The following SLC39A8 variants were observed in gnomAD, a reference collection of about 807,000 sequenced individuals.
SLC39A8 encodes the protein metal cation symporter ZIP8.
SLC39A8 carries 15 observed loss-of-function variants against 40.4 expected under a neutral mutation model. The ratio of observed to expected loss-of-function variants is 0.37; its 90% CI spans 0.25 to 0.57. The LOEUF is 0.57. Among genes scored for constraint, SLC39A8 ranks in the 20% least tolerant of loss-of-function variants. SLC39A8 has a pLI of 0.75. For synonymous variants in SLC39A8, 223 were observed against 221.6 expected, an observed-to-expected ratio of 1.01 and a Z score of -0.06; for missense variants, 472 against 558.8, an observed-to-expected ratio of 0.84 and a Z score of 1.57.
chr4:102,251,600 C>T (rs944960552), exon 12 of SLC39A8: 7 of 151,918 alleles, frequency 4.6e-5, no homozygotes, highest in African/African-American at 7.3e-5. Flanking sequence ...TTTTACAGGA[C>T]ATAAGAGCCC....
Position 102,344,707 on chromosome 4 carries a change from C to A in SLC39A8, c.-45G>T. ...TGAGGGCCCGCGACGGGCTGCCGCG[C>A]AGAGGGACGCGCGCGGGCGCACTGG... On this transcript the variant is annotated 5_prime_UTR_variant, in exon 2 of 9. Transcript: ENST00000356736. 1 of 1,386,660 alleles carries A rather than the reference C, an allele frequency of 7.2e-7. No individual in the cohort carries two copies. Among genetic ancestry groups the A allele is most frequent in the South Asian group, 1.6e-5 (1 of 60,700 alleles). 85.9% of individuals were successfully genotyped at this position (1,386,660 alleles called of 1,614,324 possible). A position where few individuals can be genotyped will look rare whatever the true frequency, so the allele number is the denominator to read the frequency against.
At chr4:102,288,480 A>G (rs1002317489) in intron 6 of SLC39A8, among the ~76,000 whole-genome samples, 14 of 152,124 alleles carry the variant, frequency 9.2e-5, no homozygotes, top group African/African-American at 2.7e-4. Flanking sequence ...TGATCAGGTA[A>G]AAGGAGAATT....
At chr4:102,263,544 G>T (rs1223270530) in intron 8 of SLC39A8, among the ~76,000 whole-genome samples, 1 of 152,140 alleles carries the variant, frequency 6.6e-6, no homozygotes, top group African/African-American at 2.4e-5. Context: ...CATCTTGATG[G>T]CTGCTGACTG....
intron 6 of SLC39A8, among the ~76,000 whole-genome samples, chr4:102,288,513 A>G (rs139787965): frequency 9.2e-5 from 14 of 152,286 alleles, no homozygotes; most frequent in Non-Finnish European, 1.9e-4. Context: ...CTTAAAATCA[A>G]AAGATAGAAA....
chr4:102,314,810 ATGT>A (rs1444004486), intron 3 of SLC39A8, among the ~76,000 whole-genome samples: 2 of 152,066 alleles, frequency 1.3e-5, no homozygotes, highest in Non-Finnish European at 2.9e-5. Flanking sequence ...CTCTGAAACT[ATGT>A]TGTTTATTTG....
At chr4:102,320,312 A>C (rs1177959344) in intron 2 of SLC39A8, among the ~76,000 whole-genome samples, 1 of 67,380 alleles carries the variant, frequency 1.5e-5, no homozygotes, top group African/African-American at 5.7e-5. Context: ...ATATATGAGT[A>C]TATATATATG....
In SLC39A8 at chr4:102,254,497, T is replaced by A. The variant is rs1434291309; in HGVS notation, c.*299-1067A>T. Among the ~76,000 whole-genome samples the A allele has an allele frequency of 2.0e-5, 3 of 152,226 alleles. No individual in the cohort carries two copies. The East Asian group carries it at 5.8e-4, about 29-fold the overall frequency. On this transcript the variant is annotated intron_variant and NMD_transcript_variant, in intron 11 of 11. Coordinates refer to the SLC39A8 transcript ENST00000424970. Reference sequence around the variant, plus strand: ...TTGAACAATTAATTTTTAAGTATTATTTGGAAGAAAGTGAAATATAATTAT... The same window carrying A: ...TTGAACAATTAATTTTTAAGTATTAATTGGAAGAAAGTGAAATATAATTAT...
At chr4:102,324,629 G>C (rs967060699) in intron 2 of SLC39A8, among the ~76,000 whole-genome samples, 1 of 152,012 alleles carries the variant, frequency 6.6e-6, no homozygotes, top group Non-Finnish European at 1.5e-5. Flanking sequence ...CATATTTACC[G>C]AGCACTACTG....
chr4:102,287,286 A>G (rs1733225983), intron 6 of SLC39A8, among the ~76,000 whole-genome samples: 1 of 152,152 alleles, frequency 6.6e-6, no homozygotes, highest in Non-Finnish European at 1.5e-5. Context: ...AATGGGCTTC[A>G]TCAAGCGGCT....
intron 6 of SLC39A8, among the ~76,000 whole-genome samples, chr4:102,294,717 C>T (rs1733606382): frequency 2.0e-5 from 3 of 151,784 alleles, no homozygotes. Flanking sequence ...ACTGTTTTAA[C>T]AAGTGTCAGA....
At chr4:102,273,918 C>T (rs116508527) in intron 6 of SLC39A8, among the ~76,000 whole-genome samples, 2,236 of 152,230 alleles carry the variant, frequency 0.015, 64 homozygotes, top group African/African-American at 0.05. Flanking sequence ...ACAAAAAGAA[C>T]GGCCACTCAA....
rs1312838498 is a variant in SLC39A8 at position 102,282,620 on chromosome 4, G to T, written c.841-14541C>A. Among the ~76,000 whole-genome samples, 3 of 34,856 alleles carry T rather than the reference G, an allele frequency of 8.6e-5. No homozygotes were observed. In the Admixed American group the frequency reaches 9.6e-4, roughly 11 times the overall value. 22.9% of individuals were successfully genotyped at this position (34,856 alleles called of 152,430 possible). A position where few individuals can be genotyped will look rare whatever the true frequency, so the allele number is the denominator to read the frequency against. ...AAATATTATTTTTAATTAAATGGTG[G>T]GGGGGGGTGCTGAATTAAGTAGAGA... On this transcript the variant is annotated intron_variant, in intron 6 of 8. Transcript: ENST00000356736.
chr4:102,303,208 G>C (rs1304681638), intron 6 of SLC39A8, among the ~76,000 whole-genome samples: 3 of 151,816 alleles, frequency 2.0e-5, no homozygotes, highest in African/African-American at 7.3e-5. Context: ...AAACCTGGAG[G>C]GGTTATTTAA....
chr4:102,309,217 C>A (rs1396687425), intron 3 of SLC39A8, among the ~76,000 whole-genome samples: 1 of 151,816 alleles, frequency 6.6e-6, no homozygotes, highest in Non-Finnish European at 1.5e-5. Flanking sequence ...CTCCTGCCAC[C>A]ACACACACAC....
At chr4:102,341,288 A>C (rs996401933) in intron 2 of SLC39A8, among the ~76,000 whole-genome samples, 1 of 152,220 alleles carries the variant, frequency 6.6e-6, no homozygotes, top group African/African-American at 2.4e-5. Context: ...CAGTGTGATA[A>C]TTTAGAAAAT....
intron 8 of SLC39A8, among the ~76,000 whole-genome samples, chr4:102,265,040 G>A (rs1732039549): frequency 6.6e-6 from 1 of 152,184 alleles, no homozygotes; most frequent in Non-Finnish European, 1.5e-5. Flanking sequence ...GTTCATTGGA[G>A]TAGCCCTTTT....
intron 2 of SLC39A8, among the ~76,000 whole-genome samples, chr4:102,336,528 T>C (rs914840430): frequency 6.6e-6 from 1 of 152,262 alleles, no homozygotes; most frequent in African/African-American, 2.4e-5. Context: ...ACTTGATTTT[T>C]TTCTCTAGCT....
intron 6 of SLC39A8, among the ~76,000 whole-genome samples, chr4:102,271,390 C>T (rs1435542941): frequency 6.6e-6 from 1 of 152,184 alleles, no homozygotes. Context: ...GATTGTCACT[C>T]AGTATCCTTC....
intron 6 of SLC39A8, among the ~76,000 whole-genome samples, chr4:102,277,745 G>C (rs995915116): frequency 5.3e-5 from 8 of 152,114 alleles, no homozygotes; most frequent in African/African-American, 1.7e-4. Flanking sequence ...ATCCTACAAG[G>C]CTACAGTAAC....
Sources: gnomAD v4.1 joint callset for allele counts (sites outside exome capture counted in the v4.1 genomes callset) on GRCh38, gnomAD v4.1.1 for gene constraint, MANE v1.5 for transcripts, NCBI Gene and HGNC (gene_info 2026-07-23, HGNC 2026-07-21) for gene names.